CAMTA1: variants seen among roughly 807,000 people sequenced by gnomAD.
CAMTA1 encodes the protein calmodulin binding transcription activator 1.
Under a neutral mutation model 170.9 loss-of-function variants are expected in CAMTA1, and 27 were observed. The observed-to-expected ratio is 0.16, with a 90% CI of 0.12 to 0.22. The LOEUF is 0.22. CAMTA1 is among the 10% of genes least tolerant of loss of function. CAMTA1 has a pLI of 1.00. For missense variants in CAMTA1, 1,619 were observed against 2,217.2 expected, an observed-to-expected ratio of 0.73 and a Z score of 5.42; for synonymous variants, 833 against 891.5, an observed-to-expected ratio of 0.93 and a Z score of 1.17.
intron 5 of CAMTA1, among the ~76,000 whole-genome samples, chr1:7,336,399 C>T (rs562311830): frequency 6.6e-6 from 1 of 152,196 alleles, no homozygotes; most frequent in Non-Finnish European, 1.5e-5. Flanking sequence ...ACTTGCAAAC[C>T]CAGACCAGGC....
chr1:7,591,447 T>A (rs2095354536), intron 6 of CAMTA1, among the ~76,000 whole-genome samples: 1 of 152,252 alleles, frequency 6.6e-6, no homozygotes. Flanking sequence ...CTGGAATTTG[T>A]TAACAGACTG....
At chr1:6,857,586 G>C (rs1662918991) in intron 3 of CAMTA1, among the ~76,000 whole-genome samples, 1 of 152,156 alleles carries the variant, frequency 6.6e-6, no homozygotes, top group Admixed American at 6.5e-5. Flanking sequence ...TGTAGGACAA[G>C]GACATGTGTT....
chr1:7,118,103 G>A (rs1049382262), intron 4 of CAMTA1, among the ~76,000 whole-genome samples: 1 of 152,018 alleles, frequency 6.6e-6, no homozygotes, highest in Non-Finnish European at 1.5e-5. Flanking sequence ...AGCATCCGTC[G>A]CTCAAATCCT....
At chr1:7,049,159 C>G (rs564778328) in intron 3 of CAMTA1, among the ~76,000 whole-genome samples, 3 of 152,160 alleles carry the variant, frequency 2.0e-5, no homozygotes, top group African/African-American at 7.2e-5. Flanking sequence ...GGTTCATGTA[C>G]GAACTACAGG....
chr1:7,600,441 A>G (rs1007096763), intron 6 of CAMTA1, among the ~76,000 whole-genome samples: 3 of 150,778 alleles, frequency 2.0e-5, no homozygotes, highest in African/African-American at 4.9e-5. Flanking sequence ...GTATCAGGAT[A>G]ACGCTGGCCT....
intron 4 of CAMTA1, among the ~76,000 whole-genome samples, chr1:7,226,664 C>T (rs1212132817): frequency 6.6e-6 from 1 of 152,080 alleles, no homozygotes; most frequent in African/African-American, 2.4e-5. Context: ...GTGAAGAATT[C>T]TATAGAAATG....
intron 5 of CAMTA1, among the ~76,000 whole-genome samples, chr1:7,274,454 C>T (rs1204926488): frequency 4.6e-5 from 7 of 152,050 alleles, no homozygotes; most frequent in Admixed American, 1.3e-4. Flanking sequence ...AAAATACATG[C>T]CAAAGTGACA....
chr1:7,505,215 A>C (rs1347802487), intron 6 of CAMTA1, among the ~76,000 whole-genome samples: 3 of 152,246 alleles, frequency 2.0e-5, no homozygotes, highest in African/African-American at 7.2e-5. Context: ...GGAGGCCCTG[A>C]GTGGCCTCCA....
chr1:7,563,111 C>T (rs1469188311), intron 6 of CAMTA1, among the ~76,000 whole-genome samples: 1 of 152,216 alleles, frequency 6.6e-6, no homozygotes, highest in Non-Finnish European at 1.5e-5. Context: ...CTATTGTGTC[C>T]AGTGTCCAGG....
At chr1:7,134,469 AT>A (rs1645434774) in intron 4 of CAMTA1, among the ~76,000 whole-genome samples, 1 of 140,936 alleles carries the variant, frequency 7.1e-6, no homozygotes, top group African/African-American at 3.1e-5. Context: ...AATTAAACAA[AT>A]TATTATTATT....
chr1:7,507,398 G>A (rs1309730492), intron 6 of CAMTA1, among the ~76,000 whole-genome samples: 1 of 152,122 alleles, frequency 6.6e-6, no homozygotes, highest in African/African-American at 2.4e-5. Flanking sequence ...GCTGGGGAGG[G>A]GGCACACGCC....
At chr1:7,437,239 A>C (rs7518819) in intron 5 of CAMTA1, among the ~76,000 whole-genome samples, 9,704 of 152,210 alleles carry the variant, frequency 0.064, 853 homozygotes, top group African/African-American at 0.2. Context: ...AAAGCGGATC[A>C]TCCTCCTAAG....
chr1:7,751,630 A>G (rs1269049005), intron 20 of CAMTA1, among the ~76,000 whole-genome samples: 2 of 151,712 alleles, frequency 1.3e-5, no homozygotes, highest in Non-Finnish European at 1.5e-5. Context: ...TTGCCACCCA[A>G]TTTTACCTTA....
Position 7,736,361 on chromosome 1 carries a change from G to A in CAMTA1, c.3084G>A (p.Gly1028=), listed in dbSNP as rs1278582341. The A allele has an allele frequency of 6.2e-7, 1 of 1,614,072 alleles. No homozygotes were observed. The highest frequency in any genetic ancestry group is 1.3e-5 in the African/African-American group (1 of 75,030). The part of the protein sequence containing the change: ...GSQAQCASGT[G]ALGSCFESRV... Reference sequence around the variant, plus strand: ...TGTGACAGTGTGCTTCTGGGACTGGGGCCTTGGGGAGCTGCTTTGAGAGCC... The same window carrying A: ...TGTGACAGTGTGCTTCTGGGACTGGAGCCTTGGGGAGCTGCTTTGAGAGCC... The change falls in exon 13 of 23, where the codon GGG becomes GGA. Residue 1028 remains glycine (G), a synonymous_variant. Transcript: ENST00000303635. The surrounding 1 kb of genome is among the most constrained non-coding windows in gnomAD (Gnocchi z 4.5).
At chr1:7,667,288 C>T (rs1259748428) in intron 9 of CAMTA1, among the ~76,000 whole-genome samples, 2 of 152,114 alleles carry the variant, frequency 1.3e-5, no homozygotes, top group African/African-American at 4.8e-5. Context: ...TGGGCATCTT[C>T]CCCGTGCCCC....
chr1:7,417,703 C>T (rs1006375628), intron 5 of CAMTA1, among the ~76,000 whole-genome samples: 2 of 152,182 alleles, frequency 1.3e-5, no homozygotes, highest in African/African-American at 4.8e-5. Context: ...GGAAAGGGAA[C>T]TCCCTGACCC....
At chr1:7,422,872 C>A in intron 5 of CAMTA1, among the ~76,000 whole-genome samples, 1 of 152,226 alleles carries the variant, frequency 6.6e-6, no homozygotes, top group Non-Finnish European at 1.5e-5. Flanking sequence ...TAGAGACTGG[C>A]CCGTGGATGC....
chr1:7,193,600 G>A (rs1654955650), intron 4 of CAMTA1, among the ~76,000 whole-genome samples: 3 of 152,002 alleles, frequency 2.0e-5, no homozygotes, highest in Non-Finnish European at 4.4e-5. Context: ...GGAGGTGAAG[G>A]ACGCAGACCC....
At chr1:6,945,900 C>T (rs1362294179) in intron 3 of CAMTA1, among the ~76,000 whole-genome samples, 1 of 152,148 alleles carries the variant, frequency 6.6e-6, no homozygotes, top group Non-Finnish European at 1.5e-5. Flanking sequence ...TTTGTTCATT[C>T]GTTAGTCGAC....
Sources: allele counts gnomAD v4.1 joint callset (sites outside exome capture counted in the v4.1 genomes callset), GRCh38; gene constraint gnomAD v4.1.1; non-coding constraint Gnocchi (gnomAD v3.1); transcripts MANE v1.5; gene names NCBI Gene and HGNC (gene_info 2026-07-23, HGNC 2026-07-21).